Variants in ITFG2 observed in about 807,000 individuals in gnomAD.
The protein encoded by ITFG2 is integrin alpha FG-GAP repeat containing 2, also known as KICSTOR complex protein ITFG2.
ITFG2 carries 36 observed loss-of-function variants against 54.4 expected under a neutral mutation model. That is an observed-to-expected ratio of 0.66 (90% CI 0.51 to 0.87). ITFG2 has a LOEUF of 0.87. ITFG2 is among the 40% of genes least tolerant of loss of function. The probability of loss-of-function intolerance (pLI) is 0.00; values close to 1 mark genes in which losing one functional copy is unlikely to be tolerated. For missense variants in ITFG2, 524 were observed against 576.7 expected (o/e 0.91, Z 0.94); for synonymous variants, 211 against 225.4 (o/e 0.94, Z 0.57).
intron 2 of ITFG2, among the ~76,000 whole-genome samples, chr12:2,846,558 C>T (rs56697054): frequency 0.019 from 2,874 of 152,156 alleles, 85 homozygotes; most frequent in African/African-American, 0.066. Context: ...CTTTGCCCAT[C>T]TGAAGTCTGA....
downstream of ITFG2, chr12:2,827,013 G>T: frequency 7.1e-7 from 1 of 1,408,634 alleles, no homozygotes; most frequent in African/African-American, 1.5e-5. The surrounding 1 kb of genome is among the most constrained non-coding windows in gnomAD (Gnocchi z 4.0). Flanking sequence ...AACTCGTCCT[G>T]GGGAGTAGGA....
downstream of ITFG2, among the ~76,000 whole-genome samples, chr12:2,831,101 G>T (rs2098000328): frequency 6.6e-6 from 1 of 151,944 alleles, no homozygotes; most frequent in South Asian, 2.1e-4. Context: ...AGAGGAGAAT[G>T]GTCCATTCTC....
At chr12:2,856,766 C>T (rs2098088632) in intron 2 of ITFG2, among the ~76,000 whole-genome samples, 1 of 152,204 alleles carries the variant, frequency 6.6e-6, no homozygotes. Flanking sequence ...AGATGTGGCA[C>T]TAGCCAGGCA....
rs2097959941 is a variant in ITFG2, at chr12:2,825,063, A to G, written c.*870A>G. The stretch of plus-strand genomic sequence containing the variant: ...GGTAGAATAGAATAAAGTAAAATAG[A>G]AAATAGCAGAGTACATTGCTCTCAG... On this transcript the variant is annotated 3_prime_UTR_variant, in exon 12 of 12. Transcript: ENST00000228799. The G allele has an allele frequency of 6.6e-6, 1 of 152,280 alleles. No individual in the cohort carries two copies. The highest frequency in any genetic ancestry group is 2.4e-5 in the African/African-American group (1 of 41,464). 9.4% of individuals were successfully genotyped at this position (152,280 alleles called of 1,614,324 possible). A position where few individuals can be genotyped will look rare whatever the true frequency, so the allele number is the denominator to read the frequency against.
intron 2 of ITFG2, among the ~76,000 whole-genome samples, chr12:2,843,167 C>G (rs1345686577): frequency 6.6e-6 from 1 of 152,224 alleles, no homozygotes; most frequent in Non-Finnish European, 1.5e-5. Flanking sequence ...ACAAACAGCT[C>G]TCTTGAACCC....
chr12:2,855,548 G>A, intron 2 of ITFG2: 2 of 910,752 alleles, frequency 2.2e-6, no homozygotes, highest in Non-Finnish European at 1.5e-6. Context: ...ACCTCTGCCA[G>A]CCCAGGATTC....
At chr12:2,821,036 G>C (rs1026770295) in intron 6 of ITFG2, among the ~76,000 whole-genome samples, 164 bp downstream of exon 6, 3 of 152,184 alleles carry the variant, frequency 2.0e-5, no homozygotes, top group Admixed American at 1.3e-4. Context: ...TTAAGACCAA[G>C]GGAATCCTGG....
At chr12:2,834,977 A>G, upstream of ITFG2, 2 of 1,577,776 alleles carry the variant, frequency 1.3e-6, no homozygotes, top group African/African-American at 2.7e-5. Context: ...GGAAAAATAA[A>G]TAACATGCAG....
chr12:2,849,176 A>C, intron 2 of ITFG2: 1 of 1,474,612 alleles, frequency 6.8e-7, no homozygotes, highest in Non-Finnish European at 9.0e-7. Context: ...GCATTGATTG[A>C]GAACACTGGA....
At position 2,840,472 on chromosome 12, in the gene ITFG2, A is replaced by T. The variant is rs1024630232; in HGVS notation, n.147-370A>T. The stretch of plus-strand genomic sequence containing the variant: ...CTCTGTCTCAAAAAAAAAAAAAAGG[A>T]TTTAATTTCTTCCCCAATTTGTCCA... On this transcript the variant is annotated intron_variant and non_coding_transcript_variant, in intron 1 of 3. Transcript: ENST00000537710. Among the ~76,000 whole-genome samples the T allele has an allele frequency of 2.7e-5, 4 of 147,750 alleles. No individual in the cohort carries two copies. In the East Asian group the frequency reaches 8.1e-4, roughly 30 times the overall value.
At chr12:2,812,982 T>A in intron 1 of ITFG2, 126 bp downstream of exon 1, 1 of 748,682 alleles carries the variant, frequency 1.3e-6, no homozygotes, top group Non-Finnish European at 2.2e-6. Flanking sequence ...TTTGGAGCGC[T>A]AGAGAGAAAA....
chr12:2,823,702 T>G, intron 10 of ITFG2, 68 bp from the exon 11 acceptor site: 1 of 1,495,594 alleles, frequency 6.7e-7, no homozygotes, highest in South Asian at 1.4e-5. Flanking sequence ...GGTCTGTGTC[T>G]TGCTGTCTGC....
At chr12:2,844,471 C>G (rs1475056872) in intron 2 of ITFG2, among the ~76,000 whole-genome samples, 1 of 151,972 alleles carries the variant, frequency 6.6e-6, no homozygotes, top group Non-Finnish European at 1.5e-5. Context: ...GGAGAATCAC[C>G]TGAACCAAGG....
downstream of ITFG2, chr12:2,826,720 G>A (rs572763807): frequency 7.2e-4 from 130 of 181,166 alleles, no homozygotes; most frequent in Middle Eastern, 0.011. Context: ...CCGAGAGGCA[G>A]ACACCAGGAG....
At chr12:2,817,458 A>T (rs950397899) in intron 2 of ITFG2, 140 bp downstream of exon 2, 1 of 619,430 alleles carries the variant, frequency 1.6e-6, no homozygotes, top group Admixed American at 2.9e-5. Flanking sequence ...CTTGCAGCCA[A>T]TTTGATTCAG....
chr12:2,856,817 G>A, intron 2 of ITFG2: 2 of 639,740 alleles, frequency 3.1e-6, no homozygotes, highest in East Asian at 5.4e-5. Context: ...AGTGTCATAG[G>A]ATGAAAAGGG....
At chr12:2,835,910 T>G (rs1302731007), upstream of ITFG2, among the ~76,000 whole-genome samples, 1 of 152,250 alleles carries the variant, frequency 6.6e-6, no homozygotes, top group African/African-American at 2.4e-5. Context: ...CTGCTCTTTT[T>G]TGCTGAATAG....
chr12:2,815,833 G>A (rs533070173), intron 1 of ITFG2, among the ~76,000 whole-genome samples: 120 of 152,212 alleles, frequency 7.9e-4, no homozygotes, highest in Non-Finnish European at 1.5e-3. Context: ...ATAAAGAACT[G>A]GGAAACTATG....
chr12:2,814,780 C>T (rs1026929936), intron 1 of ITFG2, among the ~76,000 whole-genome samples: 4 of 152,002 alleles, frequency 2.6e-5, no homozygotes, highest in African/African-American at 9.7e-5. Context: ...TGCAGTGAGC[C>T]ATGATCACAC....
Sources: allele counts gnomAD v4.1 joint callset (sites outside exome capture counted in the v4.1 genomes callset), GRCh38; gene constraint gnomAD v4.1.1; non-coding constraint Gnocchi (gnomAD v3.1); transcripts MANE v1.5; gene names NCBI Gene and HGNC (gene_info 2026-07-23, HGNC 2026-07-21).